RAB38: variants seen among roughly 807,000 people sequenced by gnomAD.
RAB38 encodes RAB38, member RAS oncogene family, also known as ras-related protein Rab-38.
Under a neutral mutation model 18.4 loss-of-function variants are expected in RAB38, and 15 were observed. That is an observed-to-expected ratio of 0.82 (90% confidence interval 0.55 to 1.26). RAB38 has a LOEUF of 1.26. Ranked by LOEUF, RAB38 falls within the 50% of genes most tolerant of loss-of-function variation. RAB38 has a pLI of 0.00. For missense variants in RAB38, 294 were observed against 267.4 expected, an observed-to-expected ratio of 1.10 and a Z score of -0.69; for synonymous variants, 101 against 104.4, an observed-to-expected ratio of 0.97 and a Z score of 0.20.
chr11:88,062,209 C>T, the RAB38 span: 12 of 152,076 alleles, frequency 7.9e-5, no homozygotes, highest in Non-Finnish European at 1.0e-4. Context: ...GGAAGTGATT[C>T]GATCACGGGG....
the RAB38 span, among the ~76,000 whole-genome samples, chr11:88,008,815 A>C: frequency 1.3e-5 from 2 of 152,204 alleles, no homozygotes; most frequent in African/African-American, 4.8e-5. Flanking sequence ...CTGGGACTAC[A>C]GGCACCTGCC....
chr11:87,893,418 G>A, the RAB38 span, among the ~76,000 whole-genome samples: 365 of 19,180 alleles, frequency 0.019, no homozygotes, highest in Non-Finnish European at 0.032. Context: ...TATTTGACTG[G>A]CTGAGCTTAG....
chr11:87,968,526 G>A, the RAB38 span, among the ~76,000 whole-genome samples: 1 of 152,130 alleles, frequency 6.6e-6, no homozygotes, highest in African/African-American at 2.4e-5. Context: ...CACAGAAATA[G>A]TGGTGGTGAG....
At chr11:87,858,847 G>A in the RAB38 span, among the ~76,000 whole-genome samples, 1 of 151,054 alleles carries the variant, frequency 6.6e-6, no homozygotes, top group Non-Finnish European at 1.5e-5. Context: ...GAAAAAAAAT[G>A]ACAATTCATT....
chr11:88,149,911 C>T lies in RAB38; in HGVS notation c.247G>A (p.Ala83Thr). The T allele has an allele frequency of 7.4e-6, 12 of 1,614,092 alleles. No homozygotes were observed. The highest frequency in any genetic ancestry group is 1.0e-5 in the Non-Finnish European group (12 of 1,179,996). The part of the protein sequence containing the change: ...GNMTRVYYRE[A>T]MGAFIVFDVT... Reference sequence around the variant, plus strand: ...TCGAAGACAATAAATGCACCCATAGCTTCTCGGTAATAGACCCTCGTCATG... The same window carrying T: ...TCGAAGACAATAAATGCACCCATAGTTTCTCGGTAATAGACCCTCGTCATG... The change falls in exon 2 of 3, where the codon GCT (alanine) becomes ACT (threonine). Residue 83 changes from alanine to threonine, a missense_variant. Physicochemically the swap from Ala to Thr is moderately conservative, Grantham distance 58. Coordinates refer to ENST00000243662, the MANE Select transcript of RAB38 (RefSeq NM_022337.3).
chr11:87,918,946 A>G, the RAB38 span, among the ~76,000 whole-genome samples: 1 of 149,096 alleles, frequency 6.7e-6, no homozygotes, highest in Non-Finnish European at 1.5e-5. Flanking sequence ...AAAAAACATC[A>G]TTGCCCAAAA....
At chr11:87,852,137 G>T in the RAB38 span, among the ~76,000 whole-genome samples, 1 of 152,082 alleles carries the variant, frequency 6.6e-6, no homozygotes, top group African/African-American at 2.4e-5. Flanking sequence ...TGTCTTTAGA[G>T]ACAAGGATAT....
the RAB38 span, among the ~76,000 whole-genome samples, chr11:87,847,011 G>C: frequency 2.6e-5 from 4 of 152,018 alleles, no homozygotes; most frequent in Admixed American, 6.6e-5. Context: ...ATTTTTCTGA[G>C]TAGCTAAAGC....
chr11:88,166,124 G>C (rs781270341), intron 1 of RAB38: 2 of 152,146 alleles, frequency 1.3e-5, no homozygotes, highest in Non-Finnish European at 1.5e-5. Flanking sequence ...CAGGAGCAAA[G>C]GCTCAGAGGC....
chr11:88,009,181 T>C, the RAB38 span, among the ~76,000 whole-genome samples: 16 of 152,232 alleles, frequency 1.1e-4, no homozygotes, highest in African/African-American at 3.9e-4. Context: ...TGCCAAAGCT[T>C]GACAGAAATG....
rs144445516 is a variant in RAB38 at position 88,174,164 on chromosome 11, C to T, written c.202+1019G>A. 1.2e-3 allele frequency: 996 copies of T among 860,104 alleles called. 29 individuals carry two copies. In the Admixed American group the frequency reaches 0.039, roughly 34 times the overall value. The allele number at this position is 860,104 out of a possible 1,614,324, so 53.3% of individuals were successfully genotyped here. On this transcript the variant is annotated intron_variant, in intron 1 of 2. Transcript: ENST00000243662. ...TGCCCAACTCCTTTCCACTTAACAG[C>T]GATGCAACTGAGCTGAAGAGACTTG...
At chr11:88,012,896 T>C in the RAB38 span, among the ~76,000 whole-genome samples, 1 of 152,180 alleles carries the variant, frequency 6.6e-6, no homozygotes, top group Non-Finnish European at 1.5e-5. Context: ...TTACTCAGCA[T>C]ACACAATTTA....
the RAB38 span, among the ~76,000 whole-genome samples, chr11:87,809,061 G>T: frequency 3.3e-5 from 5 of 150,952 alleles, no homozygotes; most frequent in South Asian, 6.3e-4. Context: ...GGAACATAGA[G>T]TTGGCATGAC....
chr11:88,075,611 T>C, the RAB38 span, among the ~76,000 whole-genome samples: 2 of 152,192 alleles, frequency 1.3e-5, no homozygotes, highest in Non-Finnish European at 2.9e-5. Flanking sequence ...CCAGGCACAG[T>C]GGCTCAAGCC....
chr11:88,134,522 C>T (rs546018220), intron 2 of RAB38, among the ~76,000 whole-genome samples: 3 of 152,296 alleles, frequency 2.0e-5, no homozygotes, highest in Admixed American at 1.3e-4. Flanking sequence ...GGATTACAGG[C>T]GTGAGCCACA....
the RAB38 span, among the ~76,000 whole-genome samples, chr11:87,849,446 G>A: frequency 6.6e-6 from 1 of 152,150 alleles, no homozygotes; most frequent in African/African-American, 2.4e-5. Context: ...TGTATAAAAA[G>A]AGATTAGAGC....
chr11:87,865,980 ATTAT>A, the RAB38 span, among the ~76,000 whole-genome samples: 35 of 151,730 alleles, frequency 2.3e-4, no homozygotes, highest in African/African-American at 8.2e-4. Context: ...TTCACAATAA[ATTAT>A]TTGTTAGCCT....
the RAB38 span, among the ~76,000 whole-genome samples, chr11:88,063,280 T>A: frequency 6.6e-6 from 1 of 152,182 alleles, no homozygotes; most frequent in Admixed American, 6.5e-5. Context: ...CTACCTCTTT[T>A]ACTTCCCCTA....
At chr11:87,967,560 T>A in the RAB38 span, among the ~76,000 whole-genome samples, 2 of 152,180 alleles carry the variant, frequency 1.3e-5, no homozygotes, top group Non-Finnish European at 2.9e-5. Context: ...ATAAGCCTAA[T>A]GGTTAAGCCC....
Sources: gnomAD v4.1 joint callset for allele counts (sites outside exome capture counted in the v4.1 genomes callset) on GRCh38, gnomAD v4.1.1 for gene constraint, MANE v1.5 for transcripts, NCBI Gene and HGNC (gene_info 2026-07-23, HGNC 2026-07-21) for gene names.